The following PRIM2 variants were observed in gnomAD, a reference collection of about 807,000 sequenced individuals.
PRIM2 encodes DNA primase subunit 2.
A neutral mutation model predicts 67.3 loss-of-function variants in PRIM2; 39 were observed. The observed-to-expected ratio is 0.58, with a 90% confidence interval of 0.45 to 0.76. The LOEUF is 0.76. PRIM2 is among the 30% of genes least tolerant of loss of function. PRIM2 has a pLI of 0.00. For missense variants in PRIM2, 398 were observed against 598.7 expected (o/e 0.66, Z 3.50); for synonymous variants, 143 against 198.7 (o/e 0.72, Z 2.36).
chr6:57,244,785 G>A, the PRIM2 span, among the ~76,000 whole-genome samples: 1 of 152,074 alleles, frequency 6.6e-6, no homozygotes, highest in Non-Finnish European at 1.5e-5. Context: ...ATGCCTGTGG[G>A]TATTTGCCCT....
chr6:57,642,569 T>A (rs1182050947), intron 13 of PRIM2, among the ~76,000 whole-genome samples: 1 of 148,394 alleles, frequency 6.7e-6, no homozygotes, highest in Non-Finnish European at 1.5e-5. Flanking sequence ...CAGCCTCCCG[T>A]GTAGCTGGGA....
chr6:57,418,822 T>C (rs73752129), intron 7 of PRIM2, among the ~76,000 whole-genome samples: 3 of 152,182 alleles, frequency 2.0e-5, no homozygotes, highest in Non-Finnish European at 2.9e-5. Flanking sequence ...TCATGCCAGT[T>C]AGAAACTAGA....
At chr6:57,478,232 C>T (rs1487783087) in intron 7 of PRIM2, among the ~76,000 whole-genome samples, 4 of 152,026 alleles carry the variant, frequency 2.6e-5, no homozygotes, top group African/African-American at 9.7e-5. Context: ...ACATGAAATA[C>T]TGTATATTTT....
intron 5 of PRIM2, among the ~76,000 whole-genome samples, chr6:57,338,617 C>T (rs945792798): frequency 1.7e-4 from 25 of 151,000 alleles, no homozygotes; most frequent in African/African-American, 5.9e-4. Flanking sequence ...ATGATTATCT[C>T]AATAGATGCA....
At chr6:57,355,182 C>CA (rs1768989198) in intron 5 of PRIM2, among the ~76,000 whole-genome samples, 1 of 152,046 alleles carries the variant, frequency 6.6e-6, no homozygotes, top group Non-Finnish European at 1.5e-5. Context: ...CGGGCGCCTG[C>CA]AATCCCAGCT....
intron 10 of PRIM2, among the ~76,000 whole-genome samples, chr6:57,578,459 G>A (rs1370394689): frequency 6.6e-6 from 1 of 152,004 alleles, no homozygotes; most frequent in African/African-American, 2.4e-5. Flanking sequence ...TTATTGGAAT[G>A]TTTCTATAAG....
intron 12 of PRIM2, among the ~76,000 whole-genome samples, chr6:57,608,914 C>A (rs1490571359): frequency 1.3e-5 from 2 of 152,150 alleles, no homozygotes; most frequent in African/African-American, 4.8e-5. Context: ...GAATTAAGTT[C>A]TCTTTCCTTT....
At chr6:57,316,411 C>T (rs1311467914), upstream of PRIM2, among the ~76,000 whole-genome samples, 2 of 152,056 alleles carry the variant, frequency 1.3e-5, no homozygotes, top group Non-Finnish European at 2.9e-5. Flanking sequence ...GACTCTGTCT[C>T]GGGTATTGGT....
chr6:57,312,529 C>A (rs1191686477), upstream of PRIM2, among the ~76,000 whole-genome samples: 2 of 152,144 alleles, frequency 1.3e-5, no homozygotes, highest in African/African-American at 4.8e-5. Context: ...ACTCCCTCCC[C>A]ATGCAAAATC....
the PRIM2 span, among the ~76,000 whole-genome samples, chr6:57,280,250 C>T: frequency 6.6e-6 from 1 of 152,130 alleles, no homozygotes; most frequent in African/African-American, 2.4e-5. Flanking sequence ...TTAATTTCTC[C>T]ACACAGAAAT....
intron 5 of PRIM2, among the ~76,000 whole-genome samples, chr6:57,328,301 A>G (rs1008345996): frequency 5.3e-5 from 8 of 152,224 alleles, no homozygotes; most frequent in African/African-American, 1.7e-4. Context: ...ATGTAATTTT[A>G]GAACATTTTC....
At chr6:57,522,314 T>C (rs1332800683) in intron 8 of PRIM2, among the ~76,000 whole-genome samples, 2 of 152,174 alleles carry the variant, frequency 1.3e-5, no homozygotes, top group Admixed American at 1.3e-4. Flanking sequence ...CATCTGGCTA[T>C]TCTATAGGTA....
chr6:57,381,833 TC>T (rs1769968272), intron 6 of PRIM2, 197 bp from the exon 7 acceptor site: 1 of 227,504 alleles, frequency 4.4e-6, no homozygotes, highest in African/African-American at 2.3e-5. Flanking sequence ...AAACATCAAC[TC>T]TGAAACGAAC....
At chr6:57,478,835 C>T (rs1436352409) in intron 7 of PRIM2, among the ~76,000 whole-genome samples, 2 of 152,156 alleles carry the variant, frequency 1.3e-5, no homozygotes, top group Non-Finnish European at 2.9e-5. Context: ...ATCGATTAAA[C>T]GATACTCTGG....
intron 7 of PRIM2, among the ~76,000 whole-genome samples, chr6:57,386,121 C>G (rs1321929474): frequency 6.6e-6 from 1 of 151,680 alleles, no homozygotes; most frequent in Non-Finnish European, 1.5e-5. Context: ...TGGGGTGGCT[C>G]ACACCTGTAA....
the PRIM2 span, among the ~76,000 whole-genome samples, chr6:57,234,253 G>A: frequency 3.3e-5 from 5 of 152,154 alleles, no homozygotes; most frequent in African/African-American, 7.2e-5. Context: ...AAAAATAGAT[G>A]TGTAGTTATA....
At chr6:57,540,585 G>A (rs1239555441) in intron 10 of PRIM2, among the ~76,000 whole-genome samples, 1 of 151,742 alleles carries the variant, frequency 6.6e-6, no homozygotes, top group Non-Finnish European at 1.5e-5. Context: ...TATCGAAAAA[G>A]GTAAGAAAAA....
At chr6:57,309,690 A>C in the PRIM2 span, among the ~76,000 whole-genome samples, 1 of 152,130 alleles carries the variant, frequency 6.6e-6, no homozygotes, top group Non-Finnish European at 1.5e-5. Context: ...CAGTAATGGG[A>C]TGGCTGGGTC....
chr6:57,449,474 C>T (rs1772468433), intron 7 of PRIM2, among the ~76,000 whole-genome samples: 1 of 152,118 alleles, frequency 6.6e-6, no homozygotes, highest in Non-Finnish European at 1.5e-5. Context: ...ATCCCATTTA[C>T]TTTGAGGAGA....
Sources: allele counts gnomAD v4.1 joint callset (sites outside exome capture counted in the v4.1 genomes callset), GRCh38; gene constraint gnomAD v4.1.1; transcripts MANE v1.5; gene names NCBI Gene and HGNC (gene_info 2026-07-23, HGNC 2026-07-21).